Variants in MPP4 observed in about 807,000 individuals in gnomAD.
MPP4 encodes the protein MAGUK p55 scaffold protein 4.
A neutral mutation model predicts 98.3 loss-of-function variants in MPP4; 91 were observed. The ratio of observed to expected loss-of-function variants is 0.93; its 90% CI spans 0.78 to 1.10. The LOEUF is 1.10. MPP4 is among the 50% of genes least tolerant of loss of function. MPP4 has a pLI of 0.00. For missense variants in MPP4, 744 were observed against 792.9 expected (o/e 0.94, Z 0.74); for synonymous variants, 261 against 271.8 (o/e 0.96, Z 0.39).
intron 18 of MPP4, chr2:201,651,061 A>G: frequency 1.0e-6 from 1 of 985,402 alleles, no homozygotes; most frequent in South Asian, 4.7e-5. Flanking sequence ...TCAACTCTGC[A>G]TCCTATATAC....
intron 5 of MPP4, 44 bp from the exon 6 acceptor site, chr2:201,686,094 C>G (rs760142082): frequency 6.3e-7 from 1 of 1,599,692 alleles, no homozygotes; most frequent in Non-Finnish European, 8.5e-7. Flanking sequence ...CACACATGGG[C>G]CAAACCCCTC....
intron 18 of MPP4, among the ~76,000 whole-genome samples, chr2:201,653,503 G>A (rs1687775963): frequency 6.6e-6 from 1 of 152,214 alleles, no homozygotes; most frequent in African/African-American, 2.4e-5. Context: ...CTCGAGGTGT[G>A]TGAAGAGTTT....
At chr2:201,681,710 A>G (rs2105939107) in intron 8 of MPP4, 143 bp from the exon 9 acceptor site, 1 of 653,230 alleles carries the variant, frequency 1.5e-6, no homozygotes, top group South Asian at 1.8e-5. Flanking sequence ...TGCAGCTGTC[A>G]CCATCCAGAA....
At chr2:201,648,829 A>G (rs1486369777) in intron 20 of MPP4, among the ~76,000 whole-genome samples, 1 of 152,196 alleles carries the variant, frequency 6.6e-6, no homozygotes, top group East Asian at 1.9e-4. Context: ...AGGCTGAGGC[A>G]GGTGGATCAC....
In MPP4 at chr2:201,645,269, G is replaced by A; in HGVS notation, c.1855C>T (p.Gln619Ter). Residue 619 changes from glutamine to a stop codon, truncating the protein, a stop_gained, in exon 22 of 22, where the codon CAG (glutamine) becomes TAG (stop). Transcript: ENST00000409474. LOFTEE classifies it high-confidence loss of function. ...GCTGGTACCCACTGAGGCTCCTCCT[G>A]AGCCTTCTGTATGGCAGACAACAAC... ...AQLLSAIQKA[Q>*]EEPQWVPATW... 6.2e-7 allele frequency: 1 copy of A among 1,613,904 alleles called. No individual in the cohort carries two copies. Among genetic ancestry groups the A allele is most frequent in the Non-Finnish European group, 8.5e-7 (1 of 1,179,836 alleles).
chr2:201,664,210 C>A, intron 13 of MPP4, 109 bp from the exon 14 acceptor site: 1 of 1,498,948 alleles, frequency 6.7e-7, no homozygotes, highest in South Asian at 1.2e-5. Context: ...CCATACACCA[C>A]CTTTGTAAAG....
chr2:201,669,578 TA>T (rs1688282445), intron 12 of MPP4, among the ~76,000 whole-genome samples, 154 bp downstream of exon 12: 1 of 136,490 alleles, frequency 7.3e-6, no homozygotes, highest in African/African-American at 2.7e-5. Flanking sequence ...CACTACTAGG[TA>T]TATAGGAAGA....
Position 201,650,092 on chromosome 2 carries a change from T to G in MPP4, c.1455A>C (p.Glu485Asp), listed in dbSNP as rs1687675071. 1 of 1,576,534 alleles carries G rather than the reference T, an allele frequency of 6.3e-7. No homozygotes were observed. Among genetic ancestry groups the G allele is most frequent in the Non-Finnish European group, 8.6e-7 (1 of 1,158,944 alleles). ...EYHYVSKETF[E>D]NLIYSHRMLE... is the part of the protein sequence containing the mutation. ...TTTACCTGTGACTATATATGAGGTTTTCAAATGTTTCCTTGGACACATAGT... is the reference window on the plus strand; with the variant it reads ...TTTACCTGTGACTATATATGAGGTTGTCAAATGTTTCCTTGGACACATAGT... The change falls in exon 19 of 22, where the codon GAA becomes GAC. Residue 485 changes from glutamate (E) to aspartate (D), a missense_variant. Transcript: ENST00000409474.
At chr2:201,698,070 AG>A in intron 1 of MPP4, 1 of 987,954 alleles carries the variant, frequency 1.0e-6, no homozygotes, top group Non-Finnish European at 1.2e-6. Context: ...GTACACAGAA[AG>A]GATAGCCAGT....
intron 6 of MPP4, 78 bp from the exon 7 acceptor site, chr2:201,685,223 TCTGGTCTTTCAATCAATGC>T: frequency 7.5e-5 from 24 of 319,234 alleles, no homozygotes; most frequent in Non-Finnish European, 1.0e-4. Flanking sequence ...TCAATGCAGC[TCTGGTCTTTCAATCAATGC>T]AGCTCTGGTC....
chr2:201,660,599 CT>C (rs540442637), intron 14 of MPP4, among the ~76,000 whole-genome samples: 1 of 152,124 alleles, frequency 6.6e-6, no homozygotes, highest in African/African-American at 2.4e-5. Context: ...TCCCTGAAGG[CT>C]TTTTAACTCA....
intron 16 of MPP4, among the ~76,000 whole-genome samples, chr2:201,657,365 A>G (rs1044721438): frequency 1.3e-5 from 2 of 152,122 alleles, no homozygotes; most frequent in Non-Finnish European, 2.9e-5. Flanking sequence ...GCTTTCTGGT[A>G]TCTTCAGAGC....
chr2:201,671,389 T>G (rs1034790425), intron 11 of MPP4, among the ~76,000 whole-genome samples: 1 of 152,064 alleles, frequency 6.6e-6, no homozygotes, highest in African/African-American at 2.4e-5. Flanking sequence ...AGGATAAAAT[T>G]CACACATAAC....
chr2:201,684,156 C>G (rs1321980358), intron 7 of MPP4, among the ~76,000 whole-genome samples: 1 of 150,304 alleles, frequency 6.7e-6, no homozygotes. Flanking sequence ...GAAGTTGAGG[C>G]TACAGTGAGT....
chr2:201,659,822 A>G (rs1245818798), intron 15 of MPP4, among the ~76,000 whole-genome samples: 2 of 152,252 alleles, frequency 1.3e-5, no homozygotes, highest in Non-Finnish European at 2.9e-5. Context: ...CAACAGAGAG[A>G]GACTTCGTCT....
intron 19 of MPP4, 62 bp from the exon 20 acceptor site, chr2:201,649,746 C>T (rs1355313532): frequency 2.6e-6 from 3 of 1,138,138 alleles, no homozygotes; most frequent in Non-Finnish European, 3.9e-6. Context: ...TTAGTAGTAA[C>T]ATGAGGATAA....
At chr2:201,689,924 C>T (rs983737836) in intron 4 of MPP4, among the ~76,000 whole-genome samples, 8 of 151,984 alleles carry the variant, frequency 5.3e-5, no homozygotes, top group African/African-American at 1.9e-4. Context: ...TATAACATTA[C>T]CCTGTTTATG....
intron 12 of MPP4, among the ~76,000 whole-genome samples, chr2:201,669,028 G>C (rs1406833426): frequency 6.6e-6 from 1 of 151,984 alleles, no homozygotes; most frequent in African/African-American, 2.4e-5. Flanking sequence ...GATGAACTGT[G>C]GTTGGTGGCT....
intron 6 of MPP4, among the ~76,000 whole-genome samples, chr2:201,685,351 G>C (rs1346415048): frequency 6.6e-6 from 1 of 151,994 alleles, no homozygotes; most frequent in African/African-American, 2.4e-5. Context: ...GGCAACCAGG[G>C]ACGGAGGGGC....
Sources: gnomAD v4.1 joint callset for allele counts (sites outside exome capture counted in the v4.1 genomes callset) on GRCh38, gnomAD v4.1.1 for gene constraint, MANE v1.5 for transcripts, NCBI Gene and HGNC (gene_info 2026-07-23, HGNC 2026-07-21) for gene names.